The following SLC22A23 variants were observed in gnomAD, a reference collection of about 807,000 sequenced individuals.
SLC22A23 encodes solute carrier family 22 member 23.
SLC22A23 carries 26 observed loss-of-function variants against 61.0 expected under a neutral mutation model. The ratio of observed to expected loss-of-function variants is 0.43; its 90% confidence interval spans 0.31 to 0.59. The LOEUF is 0.59. Ranked by LOEUF, SLC22A23 falls within the 20% of genes least tolerant of loss-of-function variation. SLC22A23 has a pLI of 0.11. For missense variants in SLC22A23, 796 were observed against 934.7 expected (o/e 0.85, Z 1.94); for synonymous variants, 430 against 413.9 (o/e 1.04, Z -0.47).
At chr6:3,284,132 G>T in intron 8 of SLC22A23, 157 bp from the exon 9 acceptor site, 1 of 668,678 alleles carries the variant, frequency 1.5e-6, no homozygotes, top group Non-Finnish European at 2.4e-6. Context: ...GCACCTCAAG[G>T]ACTAGAAGCC....
intron 3 of SLC22A23, among the ~76,000 whole-genome samples, chr6:3,374,287 T>C (rs143051287): frequency 1.3e-5 from 2 of 152,206 alleles, no homozygotes; most frequent in Non-Finnish European, 2.9e-5. Flanking sequence ...TATCTTTGGG[T>C]TCCCTCCCTG....
intron 3 of SLC22A23, among the ~76,000 whole-genome samples, chr6:3,398,663 C>T (rs970185306): frequency 6.6e-6 from 1 of 152,032 alleles, no homozygotes; most frequent in African/African-American, 2.4e-5. Context: ...GAGCATCTCA[C>T]CCCAGCTGCA....
intron 1 of SLC22A23, among the ~76,000 whole-genome samples, chr6:3,434,519 G>C (rs1771076667): frequency 6.6e-6 from 1 of 151,892 alleles, no homozygotes; most frequent in Non-Finnish European, 1.5e-5. Context: ...TGAGGCAGGA[G>C]AATCGCTTGA....
chr6:3,315,221 G>A (rs1018251427), intron 4 of SLC22A23, among the ~76,000 whole-genome samples: 2 of 152,058 alleles, frequency 1.3e-5, no homozygotes, highest in East Asian at 3.9e-4. Context: ...GATGGAATTG[G>A]GTGTGGAAAG....
chr6:3,308,869 G>A lies in SLC22A23; in HGVS notation c.1083-10651C>T, dbSNP rs1055280279. Among the ~76,000 whole-genome samples the A allele has an allele frequency of 4.6e-5, 7 of 152,030 alleles. No homozygotes were observed. The highest frequency in any genetic ancestry group is 1.0e-4 in the Non-Finnish European group (7 of 67,994). The stretch of plus-strand genomic sequence containing the variant: ...AAGGCAGGAGAATCACTTGAACCTG[G>A]GAGGCAGAGGTTGCAGTGAGCCGAG... On this transcript the variant is annotated intron_variant, in intron 4 of 9. Transcript: ENST00000406686. This position sits in a 1 kb window ranked among gnomAD's most constrained non-coding sequence, Gnocchi z 5.1.
chr6:3,350,484 G>A (rs889267562), intron 3 of SLC22A23, among the ~76,000 whole-genome samples: 1 of 152,158 alleles, frequency 6.6e-6, no homozygotes, highest in Non-Finnish European at 1.5e-5. Context: ...TGTGGAATGC[G>A]GTCACACTCA....
chr6:3,330,069 C>A lies in SLC22A23; in HGVS notation c.914-6067G>T, dbSNP rs973465257. Among the ~76,000 whole-genome samples, 24 of 152,320 alleles carry A rather than the reference C, an allele frequency of 1.6e-4. No individual in the cohort carries two copies. The highest frequency in any genetic ancestry group is 5.8e-4 in the African/African-American group (24 of 41,574). ...CACTAGGACACCGGGGCTTGGGGAT[C>A]CCACCGCCCTGCCCAGCCCCAGAAC... is the stretch of plus-strand genomic sequence containing the variant. On this transcript the variant is annotated intron_variant, in intron 3 of 9. Transcript: ENST00000406686. This position sits in a 1 kb window ranked among gnomAD's most constrained non-coding sequence, Gnocchi z 4.7.
rs1760409226 is a variant in SLC22A23, at chr6:3,289,882, C to T, written c.1211-16G>A. On this transcript the variant is annotated splice_polypyrimidine_tract_variant and intron_variant, in intron 5 of 9. Coordinates refer to ENST00000406686, the MANE Select transcript of SLC22A23 (RefSeq NM_015482.2). ...TTCTCCAGCTCTGCAAAGAAACAGA[C>T]CCTGTGAGCCCTGGGCAGGCCGCCC... 2.5e-6 allele frequency: 4 copies of T among 1,609,546 alleles called. No individual in the cohort carries two copies. The highest frequency in any genetic ancestry group is 3.4e-6 in the Non-Finnish European group (4 of 1,177,240).
intron 3 of SLC22A23, among the ~76,000 whole-genome samples, chr6:3,391,396 GT>G (rs1467101510): frequency 5.3e-5 from 8 of 152,230 alleles, no homozygotes; most frequent in African/African-American, 1.4e-4. Context: ...AAAAACACTT[GT>G]GATATATCTC....
chr6:3,282,411 G>A (rs1225216744), intron 9 of SLC22A23: 7 of 674,046 alleles, frequency 1.0e-5, no homozygotes, highest in South Asian at 1.6e-5. Flanking sequence ...CTGTCAGGCT[G>A]GGCCTGTAGG....
intron 2 of SLC22A23, among the ~76,000 whole-genome samples, chr6:3,412,851 C>G (rs565726096): frequency 6.6e-6 from 1 of 152,086 alleles, no homozygotes; most frequent in Non-Finnish European, 1.5e-5. Flanking sequence ...GAGGATGGGG[C>G]CATGAGCCAT....
At chr6:3,379,824 TC>T (rs1475997590) in intron 3 of SLC22A23, among the ~76,000 whole-genome samples, 2 of 152,224 alleles carry the variant, frequency 1.3e-5, no homozygotes, top group African/African-American at 4.8e-5. Flanking sequence ...TGCCCTCAGC[TC>T]CCAGCAGGGG....
intron 3 of SLC22A23, among the ~76,000 whole-genome samples, chr6:3,332,110 A>G (rs9503547): frequency 0.25 from 38,316 of 152,198 alleles, 6,326 homozygotes; most frequent in African/African-American, 0.46. Flanking sequence ...CCTCCGAGGC[A>G]TGTGGCCAAA....
At position 3,304,698 on chromosome 6, in the gene SLC22A23, G is replaced by A. The variant is rs934125018; in HGVS notation, c.1083-6480C>T. ...GGTCAGGGGAGGCTCTGGAGAGGCC[G>A]GGCTCTGCTTGGACCGTCTTGGAAG... On this transcript the variant is annotated intron_variant, in intron 4 of 9. Coordinates refer to ENST00000406686, the MANE Select transcript of SLC22A23 (RefSeq NM_015482.2). The surrounding 1 kb of genome is among the most constrained non-coding windows in gnomAD (Gnocchi z 4.3). 1.3e-5 allele frequency among the ~76,000 whole-genome samples: 2 copies of A among 152,092 alleles called. No homozygotes were observed. The highest frequency in any genetic ancestry group is 1.9e-4 in the East Asian group (1 of 5,154).
At position 3,287,345 on chromosome 6, in the gene SLC22A23, T is replaced by C. The variant is rs570036424; in HGVS notation, c.1314-254A>G. Among the ~76,000 whole-genome samples, 3 of 152,250 alleles carry C rather than the reference T, an allele frequency of 2.0e-5. No homozygotes were observed. The South Asian group carries it at 6.2e-4, about 32-fold the overall frequency. ...CACTACCATGGCTTTAATAGACAGG[T>C]GTGGGCACAAGAGCAGTGAGTCCTT... On this transcript the variant is annotated intron_variant, in intron 6 of 9. Transcript: ENST00000406686.
At position 3,369,219 on chromosome 6, in the gene SLC22A23, G is replaced by A. The variant is rs115536353; in HGVS notation, c.913+40969C>T. 1.4e-3 allele frequency among the ~76,000 whole-genome samples: 215 copies of A among 152,014 alleles called. 1 individual carries two copies. The highest frequency in any genetic ancestry group is 5.0e-3 in the African/African-American group (207 of 41,426). ...CCATGTGAATTCTTGTCCCCTGCTC[G>A]CCCAGTTAAATCTAAAGGGTTAAAA... On this transcript the variant is annotated intron_variant, in intron 3 of 9. Transcript: ENST00000406686.
intron 3 of SLC22A23, among the ~76,000 whole-genome samples, chr6:3,358,580 A>G (rs1387958406): frequency 6.6e-6 from 1 of 152,114 alleles, no homozygotes; most frequent in East Asian, 1.9e-4. Flanking sequence ...GGAGGGAGAC[A>G]TGGGGAGTTG....
At chr6:3,455,859 G>A (rs945141787) in intron 1 of SLC22A23, 47 bp downstream of exon 1, 1 of 1,456,936 alleles carries the variant, frequency 6.9e-7, no homozygotes, top group South Asian at 1.4e-5. Flanking sequence ...CTTGGACCTC[G>A]GTCTGCAGGG....
rs183049845 is a variant in SLC22A23 at position 3,328,783 on chromosome 6, C to T, written c.914-4781G>A. 6.6e-6 allele frequency among the ~76,000 whole-genome samples: 1 copy of T among 152,136 alleles called. No individual in the cohort carries two copies. Among genetic ancestry groups the T allele is most frequent in the Non-Finnish European group, 1.5e-5 (1 of 68,022 alleles). On this transcript the variant is annotated intron_variant, in intron 3 of 9. Coordinates refer to ENST00000406686, the MANE Select transcript of SLC22A23 (RefSeq NM_015482.2). This position sits in a 1 kb window ranked among gnomAD's most constrained non-coding sequence, Gnocchi z 5.0. ...TTCCTCGCAGAAAATCTCTAAATAT[C>T]TCCTGTTGTTTCCTCTTCTCTGGTT...
Sources: gnomAD v4.1 joint callset for allele counts (sites outside exome capture counted in the v4.1 genomes callset) on GRCh38, gnomAD v4.1.1 for gene constraint, Gnocchi (gnomAD v3.1) non-coding constraint, MANE v1.5 for transcripts, NCBI Gene and HGNC (gene_info 2026-07-23, HGNC 2026-07-21) for gene names.